Variants in ENTREP2 observed in about 807,000 individuals in gnomAD.
ENTREP2 encodes protein ENTREP2.
chr15:29,415,139 CT>C, the ENTREP2 span, among the ~76,000 whole-genome samples: 4 of 151,580 alleles, frequency 2.6e-5, no homozygotes, highest in Middle Eastern at 3.2e-3. Context: ...TGAATCCCCC[CT>C]AACTCATTTT....
the ENTREP2 span, among the ~76,000 whole-genome samples, chr15:29,321,250 C>T: frequency 2.0e-5 from 3 of 152,036 alleles, no homozygotes; most frequent in Admixed American, 6.5e-5. Context: ...GAATTACAGT[C>T]GATTTATCAT....
chr15:29,652,784 T>C, the ENTREP2 span, among the ~76,000 whole-genome samples: 22,524 of 152,194 alleles, frequency 0.15, 3,274 homozygotes, highest in African/African-American at 0.38. Flanking sequence ...GCGGCCGGAC[T>C]CCACACTCAC....
chr15:29,182,868 T>C, the ENTREP2 span, among the ~76,000 whole-genome samples: 9 of 152,058 alleles, frequency 5.9e-5, no homozygotes, highest in Admixed American at 5.2e-4. Context: ...GAAATAGACA[T>C]CTTCAAATAT....
chr15:29,608,522 T>TTTATTATA, the ENTREP2 span, among the ~76,000 whole-genome samples: 2 of 140,536 alleles, frequency 1.4e-5, no homozygotes, highest in Non-Finnish European at 3.1e-5. Flanking sequence ...TCCTGCCTTC[T>TTTATTATA]TTATTATTAT....
chr15:29,122,355 A>T, the ENTREP2 span: 2 of 151,542 alleles, frequency 1.3e-5, no homozygotes, highest in Admixed American at 6.6e-5. Flanking sequence ...TGGGTTTGTA[A>T]GTGGTTTATG....
chr15:29,513,540 G>T, the ENTREP2 span, among the ~76,000 whole-genome samples: 407 of 152,306 alleles, frequency 2.7e-3, 3 homozygotes, highest in African/African-American at 9.0e-3. Flanking sequence ...ACACATACCT[G>T]CCATGATACA....
chr15:29,117,831 G>GTCA, the ENTREP2 span: 1 of 152,052 alleles, frequency 6.6e-6, no homozygotes, highest in African/African-American at 2.4e-5. Context: ...CTCTCCCGTC[G>GTCA]TCTCTTCTGG....
chr15:29,248,060 G>A, the ENTREP2 span, among the ~76,000 whole-genome samples: 2 of 152,330 alleles, frequency 1.3e-5, no homozygotes, highest in Admixed American at 6.5e-5. Context: ...TAAATGGCCC[G>A]TGGCTTTCTT....
chr15:29,219,663 A>ATATATG, the ENTREP2 span, among the ~76,000 whole-genome samples: 2 of 121,270 alleles, frequency 1.6e-5, no homozygotes. Context: ...ATATATATAT[A>ATATATG]TGATGGAATA....
At chr15:29,331,101 T>C in the ENTREP2 span, among the ~76,000 whole-genome samples, 1 of 152,224 alleles carries the variant, frequency 6.6e-6, no homozygotes, top group Non-Finnish European at 1.5e-5. Flanking sequence ...TTAATTTACA[T>C]GTGGTGTGAG....
the ENTREP2 span, among the ~76,000 whole-genome samples, chr15:29,316,229 G>A: frequency 6.6e-6 from 1 of 152,164 alleles, no homozygotes; most frequent in Non-Finnish European, 1.5e-5. Context: ...GGTTTAAACT[G>A]ACTGTAACAT....
chr15:29,508,431 G>A, the ENTREP2 span, among the ~76,000 whole-genome samples: 10 of 152,076 alleles, frequency 6.6e-5, no homozygotes, highest in Non-Finnish European at 1.5e-4. Flanking sequence ...CCAAAACCTG[G>A]CAGAGACACA....
chr15:29,522,029 G>A, the ENTREP2 span, among the ~76,000 whole-genome samples: 1 of 152,172 alleles, frequency 6.6e-6, no homozygotes, highest in Non-Finnish European at 1.5e-5. Context: ...GCGAGGAAAG[G>A]ATAGTCTTTT....
At chr15:29,530,961 T>C in the ENTREP2 span, among the ~76,000 whole-genome samples, 3 of 152,174 alleles carry the variant, frequency 2.0e-5, no homozygotes, top group Non-Finnish European at 2.9e-5. Flanking sequence ...AAGGTTCAAA[T>C]GCAGACCCAT....
At chr15:29,547,018 C>T in the ENTREP2 span, among the ~76,000 whole-genome samples, 16 of 151,384 alleles carry the variant, frequency 1.1e-4, no homozygotes, top group African/African-American at 3.6e-4. Context: ...GTAAAGAGGG[C>T]TCAACATATG....
At chr15:29,621,202 A>G in the ENTREP2 span, among the ~76,000 whole-genome samples, 1 of 151,820 alleles carries the variant, frequency 6.6e-6, no homozygotes, top group East Asian at 1.9e-4. Flanking sequence ...ATCCTGGCTA[A>G]CACGGTGAAA....
the ENTREP2 span, among the ~76,000 whole-genome samples, chr15:29,618,651 A>T: frequency 9.9e-5 from 15 of 152,204 alleles, no homozygotes; most frequent in Non-Finnish European, 1.8e-4. Context: ...ATGTTCTCTG[A>T]TAATGATGAT....
the ENTREP2 span, among the ~76,000 whole-genome samples, chr15:29,201,719 G>A: frequency 6.6e-6 from 1 of 151,932 alleles, no homozygotes; most frequent in African/African-American, 2.4e-5. Context: ...CATTAATAAG[G>A]GATATTGGCC....
the ENTREP2 span, among the ~76,000 whole-genome samples, chr15:29,616,851 G>A: frequency 6.6e-6 from 1 of 152,096 alleles, no homozygotes; most frequent in Non-Finnish European, 1.5e-5. Context: ...GAGGCAGGCA[G>A]ATCACTTGAG....
Sources: allele counts gnomAD v4.1 joint callset (sites outside exome capture counted in the v4.1 genomes callset), GRCh38; gene constraint gnomAD v4.1.1; transcripts MANE v1.5; gene names NCBI Gene and HGNC (gene_info 2026-07-23, HGNC 2026-07-21).